YWHAZ: variants seen among roughly 807,000 people sequenced by gnomAD.
YWHAZ encodes the protein tyrosine 3-monooxygenase/tryptophan 5-monooxygenase activation protein zeta, also known as 14-3-3 protein zeta/delta.
For missense variants in YWHAZ, 79 were observed against 284.8 expected (o/e 0.28, Z 5.20); for synonymous variants, 87 against 103.6 (o/e 0.84, Z 0.97).
rs1812777952 is a variant in YWHAZ, at chr8:100,918,119, G to C, written c.*2574C>G. Reference sequence around the variant, plus strand: ...GCACTTTGGGAGGTTGAGATGGGCGGATTGCCTGAGGTCGGGAATTCAAGA... The same window carrying C: ...GCACTTTGGGAGGTTGAGATGGGCGCATTGCCTGAGGTCGGGAATTCAAGA... On this transcript the variant is annotated 3_prime_UTR_variant, in exon 6 of 6. Transcript: ENST00000395958. The C allele has an allele frequency of 6.6e-6, 1 of 151,782 alleles. No individual in the cohort carries two copies. The highest frequency in any genetic ancestry group is 2.4e-5 in the African/African-American group (1 of 41,284). 9.4% of individuals were successfully genotyped at this position (151,782 alleles called of 1,614,324 possible). A position where few individuals can be genotyped will look rare whatever the true frequency, so the allele number is the denominator to read the frequency against.
At position 100,922,664 on chromosome 8, in the gene YWHAZ, G is replaced by C. The variant is rs188515597; in HGVS notation, c.678+1291C>G. On this transcript the variant is annotated intron_variant, in intron 5 of 5. Coordinates refer to ENST00000395958, the MANE Select transcript of YWHAZ (RefSeq NM_145690.3). This position sits in a 1 kb window ranked among gnomAD's most constrained non-coding sequence, Gnocchi z 4.1. ...CTCCCAAAGTGCTGGGATTACAGGC[G>C]TGAGCCACCACGCCCGGCCAACCCT... The C allele has an allele frequency of 6.6e-6, 1 of 152,346 alleles. No homozygotes were observed. The highest frequency in any genetic ancestry group is 1.5e-5 in the Non-Finnish European group (1 of 68,200). 9.4% of individuals were successfully genotyped at this position (152,346 alleles called of 1,614,324 possible). A position where few individuals can be genotyped will look rare whatever the true frequency, so the allele number is the denominator to read the frequency against.
intron 2 of YWHAZ, among the ~76,000 whole-genome samples, chr8:100,929,605 A>C (rs1433196671): frequency 2.0e-5 from 3 of 152,232 alleles, no homozygotes; most frequent in Admixed American, 2.0e-4. Flanking sequence ...ACTATTGAAT[A>C]CTAGAACTTA....
At chr8:100,929,618 T>G (rs976374852) in intron 2 of YWHAZ, among the ~76,000 whole-genome samples, 9 of 152,274 alleles carry the variant, frequency 5.9e-5, no homozygotes, top group African/African-American at 1.7e-4. Flanking sequence ...AGAACTTATT[T>G]CTACTATCTA....
chr8:100,937,863 A>T (rs955513931), intron 2 of YWHAZ, among the ~76,000 whole-genome samples: 1 of 152,206 alleles, frequency 6.6e-6, no homozygotes, highest in Admixed American at 6.5e-5. Context: ...GGGTGCAGTG[A>T]CTCATGCCGG....
chr8:100,936,385 A>T (rs548852453), intron 2 of YWHAZ, among the ~76,000 whole-genome samples: 16 of 152,248 alleles, frequency 1.1e-4, no homozygotes, highest in Non-Finnish European at 2.4e-4. Flanking sequence ...TCCTAACAGC[A>T]TAATGCACTA....
intron 2 of YWHAZ, among the ~76,000 whole-genome samples, chr8:100,932,605 T>C (rs1382347685): frequency 6.6e-6 from 1 of 152,224 alleles, no homozygotes; most frequent in Non-Finnish European, 1.5e-5. Context: ...GTCAAAAATA[T>C]CATTTTCCCT....
intron 2 of YWHAZ, among the ~76,000 whole-genome samples, chr8:100,939,856 C>T (rs1814498048): frequency 6.6e-6 from 1 of 151,934 alleles, no homozygotes; most frequent in Non-Finnish European, 1.5e-5. Flanking sequence ...CTCATCTCTA[C>T]TAAAAAATAC....
rs1810473148 is a variant in YWHAZ at position 100,948,522 on chromosome 8, A to G, written c.294+74T>C. 1 of 1,480,662 alleles carries G rather than the reference A, an allele frequency of 6.8e-7. No individual in the cohort carries two copies. The allele number at this position is 1,480,662 out of a possible 1,614,324, so 91.7% of individuals were successfully genotyped here. ...TAGAAGGAAAAGAAAAACCAAACAA[A>G]AAGTTAAGAGTAATGTAACTGATAC... On this transcript the variant is annotated intron_variant, in intron 2 of 5. Coordinates refer to ENST00000395958, the MANE Select transcript of YWHAZ (RefSeq NM_145690.3). The surrounding 1 kb of genome is among the most constrained non-coding windows in gnomAD (Gnocchi z 4.2).
chr8:100,930,664 T>C (rs1813700895), intron 2 of YWHAZ, among the ~76,000 whole-genome samples: 1 of 152,148 alleles, frequency 6.6e-6, no homozygotes, highest in Non-Finnish European at 1.5e-5. Context: ...CTCCCATTAA[T>C]TTTTTTAATT....
chr8:100,940,423 C>T (rs1397029461), intron 2 of YWHAZ, among the ~76,000 whole-genome samples: 1 of 152,148 alleles, frequency 6.6e-6, no homozygotes, highest in Admixed American at 6.5e-5. Flanking sequence ...TTTCTATGTT[C>T]AATGAATTTG....
In YWHAZ at chr8:100,950,540, A is replaced by C. The variant is rs1022178744; in HGVS notation, c.-12+1389T>G. 6.1e-6 allele frequency: 6 copies of C among 984,950 alleles called. No individual in the cohort carries two copies. The African/African-American group carries it at 1.1e-4, about 17-fold the overall frequency. The allele number at this position is 984,950 out of a possible 1,614,324, so 61.0% of individuals were successfully genotyped here. ...GTCGGAGCCACGGCTCAAGTCCCCGACTCTCCTCCTTTGTCATGGCGGATC... is the reference window on the plus strand; with the variant it reads ...GTCGGAGCCACGGCTCAAGTCCCCGCCTCTCCTCCTTTGTCATGGCGGATC... On this transcript the variant is annotated intron_variant, in intron 1 of 5. Coordinates refer to ENST00000395958, the MANE Select transcript of YWHAZ (RefSeq NM_145690.3).
intron 2 of YWHAZ, among the ~76,000 whole-genome samples, chr8:100,935,758 T>G (rs985873945): frequency 6.6e-6 from 1 of 152,108 alleles, no homozygotes; most frequent in Non-Finnish European, 1.5e-5. Context: ...TGGTACTAAT[T>G]CTACTAACTA....
chr8:100,919,260 T>C lies in YWHAZ; in HGVS notation c.*1433A>G, dbSNP rs756248525. The stretch of plus-strand genomic sequence containing the variant: ...AAATAGAAAGAATAAAGGATCAAAA[T>C]TGAAGGCAGGCTATAAGAGTATCAA... On this transcript the variant is annotated 3_prime_UTR_variant, in exon 6 of 6. Coordinates refer to ENST00000395958, the MANE Select transcript of YWHAZ (RefSeq NM_145690.3). 10 of 152,670 alleles carry C rather than the reference T, an allele frequency of 6.6e-5. No individual in the cohort carries two copies. Among genetic ancestry groups the C allele is most frequent in the Admixed American group, 4.6e-4 (7 of 15,284 alleles). 9.5% of individuals were successfully genotyped at this position (152,670 alleles called of 1,614,324 possible). A position where few individuals can be genotyped will look rare whatever the true frequency, so the allele number is the denominator to read the frequency against.
At chr8:100,952,988 G>A (rs541936028), upstream of YWHAZ, 278 of 1,000,650 alleles carry the variant, frequency 2.8e-4, no homozygotes, top group African/African-American at 2.6e-3. Flanking sequence ...ACTGCGCGAG[G>A]GGACAATGGG....
In YWHAZ at chr8:100,948,209, C is replaced by A; in HGVS notation, c.294+387G>T. 1 of 1,364,156 alleles carries A rather than the reference C, an allele frequency of 7.3e-7. No individual in the cohort carries two copies. Among genetic ancestry groups the A allele is most frequent in the Non-Finnish European group, 9.9e-7 (1 of 1,011,210 alleles). 84.5% of individuals were successfully genotyped at this position (1,364,156 alleles called of 1,614,324 possible). A position where few individuals can be genotyped will look rare whatever the true frequency, so the allele number is the denominator to read the frequency against. ...TATTTCTACAATGAGTATCCTATTA[C>A]ATCTCTCTTACCTAAAGTATGTAAA... On this transcript the variant is annotated intron_variant, in intron 2 of 5. Coordinates refer to ENST00000395958, the MANE Select transcript of YWHAZ (RefSeq NM_145690.3). This position sits in a 1 kb window ranked among gnomAD's most constrained non-coding sequence, Gnocchi z 4.2.
rs138890711 is a variant in YWHAZ at position 100,951,186 on chromosome 8, C to G, written c.-12+743G>C. On this transcript the variant is annotated intron_variant, in intron 1 of 5. Transcript: ENST00000395958. The stretch of plus-strand genomic sequence containing the variant: ...GGCGAGCCCCACCCCAAAACCTCAC[C>G]CCGCAGTGGACTCCCCTCCCGCCGG... The G allele has an allele frequency of 0.02, 19,849 of 985,290 alleles. 227 individuals are homozygous for G. The highest frequency in any genetic ancestry group is 0.022 in the Non-Finnish European group (18,496 of 829,882). 61.0% of individuals were successfully genotyped at this position (985,290 alleles called of 1,614,324 possible). A position where few individuals can be genotyped will look rare whatever the true frequency, so the allele number is the denominator to read the frequency against.
At chr8:100,951,474 C>A (rs1810774327) in intron 1 of YWHAZ, 1 of 949,132 alleles carries the variant, frequency 1.1e-6, no homozygotes, top group Non-Finnish European at 1.2e-6. Flanking sequence ...CTGCGATGCC[C>A]GCCGCCGCCG....
intron 2 of YWHAZ, among the ~76,000 whole-genome samples, chr8:100,947,734 G>A (rs923348388): frequency 6.6e-6 from 1 of 152,162 alleles, no homozygotes; most frequent in South Asian, 2.1e-4. Context: ...TCCAGATTCA[G>A]TAATCTGTCC....
Position 100,948,549 on chromosome 8 carries a change from C to T in YWHAZ, c.294+47G>A. The T allele has an allele frequency of 6.4e-7, 1 of 1,572,020 alleles. No individual in the cohort carries two copies. Among genetic ancestry groups the T allele is most frequent in the Non-Finnish European group, 8.6e-7 (1 of 1,156,932 alleles). ...AGTTAAGAGTAATGTAACTGATACT[C>T]ATAGGGACCCTACAGTATAATGAAG... On this transcript the variant is annotated intron_variant, in intron 2 of 5. Transcript: ENST00000395958. The surrounding 1 kb of genome is among the most constrained non-coding windows in gnomAD (Gnocchi z 4.2).
Sources: allele counts gnomAD v4.1 joint callset (sites outside exome capture counted in the v4.1 genomes callset), GRCh38; gene constraint gnomAD v4.1.1; non-coding constraint Gnocchi (gnomAD v3.1); transcripts MANE v1.5; gene names NCBI Gene and HGNC (gene_info 2026-07-23, HGNC 2026-07-21).